CNTN3: variants seen among roughly 807,000 people sequenced by gnomAD.
The protein encoded by CNTN3 is contactin 3.
CNTN3 carries 60 observed loss-of-function variants against 119.1 expected under a neutral mutation model. That is an observed-to-expected ratio of 0.50 (90% CI 0.41 to 0.62). The LOEUF is 0.62. Ranked by LOEUF, CNTN3 falls within the 20% of genes least tolerant of loss-of-function variation. CNTN3 has a pLI of 0.00. For missense variants in CNTN3, 1,101 were observed against 1,242.4 expected (o/e 0.89, Z 1.71); for synonymous variants, 450 against 438.7 (o/e 1.03, Z -0.32).
At chr3:74,559,663 G>A (rs1294196790) in intron 1 of CNTN3, among the ~76,000 whole-genome samples, 1 of 151,788 alleles carries the variant, frequency 6.6e-6, no homozygotes, top group Non-Finnish European at 1.5e-5. Flanking sequence ...CTTCTGCATT[G>A]CTCAAAGGGG....
intron 12 of CNTN3, among the ~76,000 whole-genome samples, chr3:74,336,183 T>C (rs1228280931): frequency 6.6e-6 from 1 of 151,770 alleles, no homozygotes; most frequent in Non-Finnish European, 1.5e-5. Context: ...GACTTGAACA[T>C]CTCCAGAAAA....
chr3:74,386,920 G>A (rs577686836), intron 5 of CNTN3, among the ~76,000 whole-genome samples: 19 of 152,304 alleles, frequency 1.2e-4, no homozygotes, highest in Middle Eastern at 3.4e-3. Flanking sequence ...GAGAAGCAGA[G>A]AGCCAGGGCT....
At chr3:74,580,335 C>T (rs1349012787) in intron 1 of CNTN3, among the ~76,000 whole-genome samples, 1 of 152,128 alleles carries the variant, frequency 6.6e-6, no homozygotes, top group South Asian at 2.1e-4. Flanking sequence ...CTTACAAAAT[C>T]TCGTTCAAAA....
intron 5 of CNTN3, among the ~76,000 whole-genome samples, chr3:74,374,122 C>T (rs538929374): frequency 7.9e-5 from 12 of 152,186 alleles, no homozygotes; most frequent in Non-Finnish European, 1.2e-4. Context: ...AATTTTGGCT[C>T]GGCAACTCCC....
intron 1 of CNTN3, among the ~76,000 whole-genome samples, chr3:74,543,196 C>T (rs1703866196): frequency 6.6e-6 from 1 of 152,044 alleles, no homozygotes; most frequent in East Asian, 1.9e-4. Context: ...ACATGAAATG[C>T]ATGAAAAAGT....
At position 74,579,700 on chromosome 3, in the gene CNTN3, A is replaced by C. The variant is rs551923138; in HGVS notation, c.-81+34691T>G. On this transcript the variant is annotated intron_variant, in intron 1 of 22. Coordinates refer to ENST00000263665, the MANE Select transcript of CNTN3 (RefSeq NM_020872.3). ...ATTGGAAATTAAAGATAAAATAGAAAATATTTTAAAATCAATAAAAATGAA... is the reference window on the plus strand; with the variant it reads ...ATTGGAAATTAAAGATAAAATAGAACATATTTTAAAATCAATAAAAATGAA... 2.0e-5 allele frequency among the ~76,000 whole-genome samples: 3 copies of C among 152,278 alleles called. No individual in the cohort carries two copies. The South Asian group carries it at 6.2e-4, about 32-fold the overall frequency.
At chr3:74,534,646 T>C (rs1425758536) in intron 1 of CNTN3, among the ~76,000 whole-genome samples, 1 of 152,062 alleles carries the variant, frequency 6.6e-6, no homozygotes, top group East Asian at 1.9e-4. Context: ...CTTTGTAAAA[T>C]GATGCTATAG....
intron 1 of CNTN3, among the ~76,000 whole-genome samples, chr3:74,535,412 A>G (rs946690895): frequency 6.6e-6 from 1 of 152,108 alleles, no homozygotes; most frequent in African/African-American, 2.4e-5. Flanking sequence ...TGCAGCAACA[A>G]GCCACCATTT....
intron 3 of CNTN3, among the ~76,000 whole-genome samples, chr3:74,492,231 C>T (rs1487333332): frequency 2.0e-5 from 3 of 152,122 alleles, no homozygotes; most frequent in East Asian, 1.9e-4. Context: ...TAGTAATTCT[C>T]AATGAGCTTT....
chr3:74,432,588 C>A (rs78970171), intron 4 of CNTN3, among the ~76,000 whole-genome samples: 1,538 of 152,236 alleles, frequency 0.01, 24 homozygotes, highest in African/African-American at 0.035. Context: ...ATGCCCACTA[C>A]AAAAATAAAA....
intron 3 of CNTN3, among the ~76,000 whole-genome samples, chr3:74,494,449 T>C (rs1468569310): frequency 6.6e-6 from 1 of 152,142 alleles, no homozygotes; most frequent in Non-Finnish European, 1.5e-5. Context: ...TTTGGAGTTT[T>C]TGATGACATT....
At chr3:74,577,386 G>A (rs1704434444) in intron 1 of CNTN3, among the ~76,000 whole-genome samples, 2 of 152,062 alleles carry the variant, frequency 1.3e-5, no homozygotes, top group South Asian at 4.1e-4. Flanking sequence ...TTCCACAATT[G>A]GCTACCCAGC....
At chr3:74,445,494 C>T (rs559325949) in intron 4 of CNTN3, among the ~76,000 whole-genome samples, 1 of 152,214 alleles carries the variant, frequency 6.6e-6, no homozygotes, top group East Asian at 1.9e-4. Flanking sequence ...GAACTCCTGA[C>T]CTCAAATGAT....
At chr3:74,545,642 T>C (rs1396920604) in intron 1 of CNTN3, among the ~76,000 whole-genome samples, 2 of 152,220 alleles carry the variant, frequency 1.3e-5, no homozygotes, top group Admixed American at 6.5e-5. Context: ...AAGTTCTTGA[T>C]CTTGCTTTTT....
Position 74,295,106 on chromosome 3 carries a change from C to A in CNTN3, c.2517+15G>T. On this transcript the variant is annotated intron_variant, in intron 19 of 22. Coordinates refer to ENST00000263665, the MANE Select transcript of CNTN3 (RefSeq NM_020872.3). Reference sequence around the variant, plus strand: ...CGGTAACACACATACACAATTTAATCGGAAAAGAAATTACCTCATAGCCCA... The same window carrying A: ...CGGTAACACACATACACAATTTAATAGGAAAAGAAATTACCTCATAGCCCA... 2 of 1,522,592 alleles carry A rather than the reference C, an allele frequency of 1.3e-6. No individual in the cohort carries two copies. Among genetic ancestry groups the A allele is most frequent in the South Asian group, 1.1e-5 (1 of 88,622 alleles). 94.3% of individuals were successfully genotyped at this position (1,522,592 alleles called of 1,614,324 possible).
rs899137404 is a variant in CNTN3 at position 74,573,760 on chromosome 3, G to T, written c.-81+40631C>A. On this transcript the variant is annotated intron_variant, in intron 1 of 22. Transcript: ENST00000263665. ...AAGCTACTCCACACTCACAGTGATA[G>T]CCGTAATTAAAAAAAAAAAAAGAGG... is the stretch of plus-strand genomic sequence containing the variant. Among the ~76,000 whole-genome samples the T allele has an allele frequency of 1.0e-4, 15 of 149,788 alleles. 1 individual carries two copies. Among genetic ancestry groups the T allele is most frequent in the Non-Finnish European group, 1.5e-5 (1 of 67,608 alleles).
intron 2 of CNTN3, among the ~76,000 whole-genome samples, chr3:74,500,957 T>C (rs977644213): frequency 3.3e-5 from 5 of 152,060 alleles, no homozygotes; most frequent in African/African-American, 9.7e-5. Flanking sequence ...TCACACAGCA[T>C]TGCAGAATGT....
chr3:74,306,327 T>C lies in CNTN3; in HGVS notation c.1669-3520A>G, dbSNP rs1702563317. Among the ~76,000 whole-genome samples the C allele has an allele frequency of 2.0e-5, 3 of 151,702 alleles. No individual in the cohort carries two copies. In the South Asian group the frequency reaches 6.2e-4, roughly 31 times the overall value. ...ACTTGCATCTAATATTTAGAAATAA[T>C]AAGAAACATATTTGCCATTCTTTAG... On this transcript the variant is annotated intron_variant, in intron 13 of 22. Coordinates refer to ENST00000263665, the MANE Select transcript of CNTN3 (RefSeq NM_020872.3).
intron 1 of CNTN3, among the ~76,000 whole-genome samples, chr3:74,548,944 C>T (rs569471807): frequency 6.6e-6 from 1 of 152,080 alleles, no homozygotes; most frequent in Non-Finnish European, 1.5e-5. Context: ...ACTCTTTCAC[C>T]CATTGACATG....
Sources: allele counts gnomAD v4.1 joint callset (sites outside exome capture counted in the v4.1 genomes callset), GRCh38; gene constraint gnomAD v4.1.1; transcripts MANE v1.5; gene names NCBI Gene and HGNC (gene_info 2026-07-23, HGNC 2026-07-21).